The following ANKRD28 variants were observed in gnomAD, a reference collection of about 807,000 sequenced individuals.
ANKRD28 encodes ankyrin repeat domain 28.
ANKRD28 carries 44 observed loss-of-function variants against 126.5 expected under a neutral mutation model. That is an observed-to-expected ratio of 0.35 (90% CI 0.27 to 0.45). The LOEUF (loss-of-function observed/expected upper bound fraction) is 0.45. Ranked by LOEUF, ANKRD28 falls within the 20% of genes least tolerant of loss-of-function variation. The pLI is 1.00. For synonymous variants in ANKRD28, 442 were observed against 468.5 expected, an observed-to-expected ratio of 0.94 and a Z score of 0.73; for missense variants, 1,110 against 1,316.6, an observed-to-expected ratio of 0.84 and a Z score of 2.43.
chr3:15,818,533 G>T (rs934559447), intron 1 of ANKRD28, among the ~76,000 whole-genome samples: 1 of 152,236 alleles, frequency 6.6e-6, no homozygotes, highest in African/African-American at 2.4e-5. Context: ...AAGCATTTCA[G>T]ACTAGGAATA....
intron 17 of ANKRD28, among the ~76,000 whole-genome samples, chr3:15,691,653 C>T (rs1157968809): frequency 1.2e-4 from 18 of 152,158 alleles, no homozygotes; most frequent in Non-Finnish European, 2.1e-4. Context: ...TATAATGAAT[C>T]TGTGTAGAAA....
Position 15,812,318 on chromosome 3 carries a change from T to C in ANKRD28, c.28-17012A>G, listed in dbSNP as rs1299162549. On this transcript the variant is annotated intron_variant, in intron 1 of 27. Transcript: ENST00000399451. The surrounding 1 kb of genome is among the most constrained non-coding windows in gnomAD (Gnocchi z 4.1). Reference sequence around the variant, plus strand: ...ATACCATTATCTTAATTTCATTTGTTTTTTAAATGAATTTTCAAATGGTGC... The same window carrying C: ...ATACCATTATCTTAATTTCATTTGTCTTTTAAATGAATTTTCAAATGGTGC... Among the ~76,000 whole-genome samples the C allele has an allele frequency of 2.0e-5, 3 of 152,182 alleles. No homozygotes were observed. Among genetic ancestry groups the C allele is most frequent in the Non-Finnish European group, 4.4e-5 (3 of 68,034 alleles).
chr3:15,707,794 ATAGACT>A, intron 14 of ANKRD28, 124 bp downstream of exon 14: 1 of 1,141,174 alleles, frequency 8.8e-7, no homozygotes, highest in South Asian at 1.7e-5. Context: ...ATTTCCCAAA[ATAGACT>A]TAGGGCAAAG....
At chr3:15,852,283 T>C (rs1426087061) in intron 1 of ANKRD28, among the ~76,000 whole-genome samples, 1 of 152,230 alleles carries the variant, frequency 6.6e-6, no homozygotes, top group Non-Finnish European at 1.5e-5. Flanking sequence ...CTCTCTATAC[T>C]AATTTATGCT....
intron 4 of ANKRD28, among the ~76,000 whole-genome samples, chr3:15,741,198 CAAAAAAA>C (rs199725226): frequency 0.049 from 6,795 of 139,872 alleles, 376 homozygotes; most frequent in East Asian, 0.25. Flanking sequence ...GACTCCATCT[CAAAAAAA>C]AAAAACAAAA....
chr3:15,794,314 C>A (rs1298188691), intron 2 of ANKRD28, among the ~76,000 whole-genome samples: 1 of 132,836 alleles, frequency 7.5e-6, no homozygotes, highest in Non-Finnish European at 1.6e-5. Context: ...TAAGTGGTCA[C>A]AGCAGTATTA....
chr3:15,758,005 T>C (rs1160791358), intron 3 of ANKRD28, among the ~76,000 whole-genome samples: 3 of 152,206 alleles, frequency 2.0e-5, no homozygotes, highest in African/African-American at 7.2e-5. Context: ...CTGTAACTAG[T>C]ATCTGGCCCT....
intron 2 of ANKRD28, among the ~76,000 whole-genome samples, chr3:15,786,596 TTATATA>T (rs1249971663): frequency 2.0e-5 from 3 of 152,070 alleles, no homozygotes; most frequent in Non-Finnish European, 4.4e-5. Flanking sequence ...ATTTTACACT[TTATATA>T]TATGCAGTTT....
At chr3:15,706,430 T>C (rs901051030) in intron 14 of ANKRD28, among the ~76,000 whole-genome samples, 5 of 152,156 alleles carry the variant, frequency 3.3e-5, no homozygotes, top group African/African-American at 1.2e-4. Context: ...CCTCCTTTTT[T>C]ATGGCTGCAT....
intron 1 of ANKRD28, among the ~76,000 whole-genome samples, chr3:15,831,106 G>A (rs1352221036): frequency 3.9e-5 from 6 of 152,104 alleles, no homozygotes; most frequent in African/African-American, 1.2e-4. Flanking sequence ...GTTTTAATCC[G>A]TATTCTTTTG....
At position 15,724,435 on chromosome 3, in the gene ANKRD28, C is replaced by A; in HGVS notation, c.730G>T (p.Ala244Ser). Residue 244 changes from alanine to serine, a missense_variant, in exon 7 of 28, where the codon GCC becomes TCC. By Grantham distance (99) the Ala-to-Ser change is moderately conservative (BLOSUM62 1). Transcript: ENST00000683139. ...KKSYTPLHAA[A>S]SSGMISVVKY... ...ACTACGCTGATCATTCCACTAGAGG[C>A]TGCTGCATGAAGAGGTGTATAAGAC... The A allele has an allele frequency of 1.2e-6, 2 of 1,605,514 alleles. No individual in the cohort carries two copies. Among genetic ancestry groups the A allele is most frequent in the Non-Finnish European group, 1.7e-6 (2 of 1,175,620 alleles).
intron 1 of ANKRD28, among the ~76,000 whole-genome samples, chr3:15,805,016 T>TA (rs1395498034): frequency 6.9e-6 from 1 of 145,414 alleles, no homozygotes; most frequent in Non-Finnish European, 1.5e-5. Context: ...CACATGTACT[T>TA]ACGTAGCAGG....
chr3:15,708,857 T>C lies in ANKRD28; in HGVS notation c.1407-793A>G, dbSNP rs112974829. Among the ~76,000 whole-genome samples the C allele has an allele frequency of 4.6e-3, 704 of 152,304 alleles. 1 individual carries two copies. Among genetic ancestry groups the C allele is most frequent in the South Asian group, 8.3e-3 (40 of 4,822 alleles). ...TCTGCACTGGTTCTATCACATGCAT[T>C]GACATATATTCACACATTTTCTTCT... On this transcript the variant is annotated intron_variant, in intron 13 of 27. Transcript: ENST00000683139.
At position 15,690,053 on chromosome 3, in the gene ANKRD28, A is replaced by T. The variant is rs772429899; in HGVS notation, c.1929T>A (p.Asp643Glu). Residue 643 changes from aspartate (D) to glutamate (E), a missense_variant, in exon 18 of 28, where the codon GAT becomes GAA. Coordinates refer to ENST00000683139, the MANE Select transcript of ANKRD28 (RefSeq NM_001349278.2). The part of the protein sequence containing the change: ...INQGASILVK[D>E]YILKRTPIHA... ...GAATAGGTGTCCTCTTCAAAATGTA[A>T]TCTTTTACTAAGATTGAGGCTCCCT... 6.2e-7 allele frequency: 1 copy of T among 1,611,440 alleles called. No individual in the cohort carries two copies. Among genetic ancestry groups the T allele is most frequent in the Non-Finnish European group, 8.5e-7 (1 of 1,178,698 alleles).
chr3:15,830,574 C>G lies in ANKRD28; in HGVS notation c.27+28803G>C, dbSNP rs1355611297. Reference sequence around the variant, plus strand: ...ACAGTTTCATCTCAAAACCATCCCACCCCCCACCGCACCCCCATCCACGGA... The same window carrying G: ...ACAGTTTCATCTCAAAACCATCCCAGCCCCCACCGCACCCCCATCCACGGA... On this transcript the variant is annotated intron_variant, in intron 1 of 27. Transcript: ENST00000399451. The surrounding 1 kb of genome is among the most constrained non-coding windows in gnomAD (Gnocchi z 4.5). Among the ~76,000 whole-genome samples, 1 of 151,588 alleles carries G rather than the reference C, an allele frequency of 6.6e-6. No individual in the cohort carries two copies. Among genetic ancestry groups the G allele is most frequent in the African/African-American group, 2.4e-5 (1 of 41,230 alleles).
intron 3 of ANKRD28, among the ~76,000 whole-genome samples, chr3:15,757,140 AT>A (rs1252612545): frequency 1.3e-5 from 2 of 152,142 alleles, no homozygotes; most frequent in African/African-American, 2.4e-5. Flanking sequence ...TAGTATTTTC[AT>A]TTTATTGCTT....
At chr3:15,692,112 C>T (rs1352515573) in intron 17 of ANKRD28, among the ~76,000 whole-genome samples, 1 of 148,622 alleles carries the variant, frequency 6.7e-6, no homozygotes, top group African/African-American at 2.5e-5. Flanking sequence ...TGCAACCCAG[C>T]CTGGGTGACA....
At chr3:15,674,206 A>G (rs1411826773) in intron 27 of ANKRD28, among the ~76,000 whole-genome samples, 2 of 149,288 alleles carry the variant, frequency 1.3e-5, no homozygotes, top group South Asian at 2.2e-4. Context: ...AAAGAAGAAG[A>G]ACCGAAATTC....
chr3:15,678,662 C>T (rs2067211961), intron 23 of ANKRD28, among the ~76,000 whole-genome samples: 1 of 152,132 alleles, frequency 6.6e-6, no homozygotes, highest in Admixed American at 6.5e-5. Flanking sequence ...AATCTGAATA[C>T]CACCACTTAT....
Sources: allele counts gnomAD v4.1 joint callset (sites outside exome capture counted in the v4.1 genomes callset), GRCh38; gene constraint gnomAD v4.1.1; non-coding constraint Gnocchi (gnomAD v3.1); transcripts MANE v1.5; gene names NCBI Gene and HGNC (gene_info 2026-07-23, HGNC 2026-07-21).